The following ANKRD17 variants were observed in gnomAD, a reference collection of about 807,000 sequenced individuals.
ANKRD17 encodes ankyrin repeat domain-containing protein 17.
In ANKRD17, 19 loss-of-function variants were observed where a neutral mutation model predicts 229.7. That is an observed-to-expected ratio of 0.08 (90% CI 0.06 to 0.12). The LOEUF (loss-of-function observed/expected upper bound fraction) is 0.12. ANKRD17 is among the 10% of genes least tolerant of loss of function. The pLI is 1.00. For missense variants in ANKRD17, 2,176 were observed against 3,176.8 expected, an observed-to-expected ratio of 0.68 and a Z score of 7.57; for synonymous variants, 1,112 against 1,146.1, an observed-to-expected ratio of 0.97 and a Z score of 0.60.
At chr4:73,154,167 T>A in intron 5 of ANKRD17, 54 bp from the exon 6 acceptor site, 1 of 1,261,796 alleles carries the variant, frequency 7.9e-7, no homozygotes, top group Non-Finnish European at 1.1e-6. Context: ...CAAAATAAAT[T>A]AAAGTGCTAA....
Position 73,104,276 on chromosome 4 carries a change from CAAGG to C in ANKRD17, c.4402-1733_4402-1730del, listed in dbSNP as rs891928089. Among the ~76,000 whole-genome samples the C allele has an allele frequency of 3.9e-5, 6 of 152,260 alleles. 1 individual carries two copies. The highest frequency in any genetic ancestry group is 3.3e-4 in the Admixed American group (5 of 15,290). On this transcript the variant is annotated intron_variant, in intron 24 of 33. Transcript: ENST00000358602. Reference sequence around the variant, plus strand: ...GTGACCTTTACTCCCTGGATCACCACAAGGGAGGAGTAATATCTGATTGGTGAGT... The same window carrying C: ...GTGACCTTTACTCCCTGGATCACCACGAGGAGTAATATCTGATTGGTGAGT...
intron 20 of ANKRD17, 118 bp from the exon 21 acceptor site, chr4:73,120,455 A>G (rs993844574): frequency 1.3e-5 from 12 of 906,542 alleles, no homozygotes; most frequent in Non-Finnish European, 2.0e-5. Context: ...ATTCACAACT[A>G]AATTTAATCA....
At chr4:73,177,698 G>A (rs533819543) in intron 1 of ANKRD17, among the ~76,000 whole-genome samples, 165 bp from the exon 2 acceptor site, 1 of 152,290 alleles carries the variant, frequency 6.6e-6, no homozygotes, top group African/African-American at 2.4e-5. Context: ...ATCTAAGCCT[G>A]TTGATTAACA....
intron 1 of ANKRD17, among the ~76,000 whole-genome samples, chr4:73,184,528 CAAAAAAAAAAAAA>C (rs776930137): frequency 1.0e-4 from 3 of 29,976 alleles, no homozygotes; most frequent in Admixed American, 4.1e-4. Context: ...GACTTCCTCT[CAAAAAAAAAAAAA>C]AAAAAAAAAA....
At chr4:73,225,524 A>T (rs1187378091) in intron 1 of ANKRD17, among the ~76,000 whole-genome samples, 3 of 152,094 alleles carry the variant, frequency 2.0e-5, no homozygotes, top group Non-Finnish European at 4.4e-5. Context: ...TGTCTCCCTT[A>T]AAGACTAGAA....
chr4:73,117,778 C>T (rs1726149125), intron 22 of ANKRD17, among the ~76,000 whole-genome samples: 1 of 152,034 alleles, frequency 6.6e-6, no homozygotes, highest in African/African-American at 2.4e-5. Flanking sequence ...CTGATATTCC[C>T]AATAACAAAC....
At chr4:73,128,080 A>C (rs1293444008) in intron 16 of ANKRD17, among the ~76,000 whole-genome samples, 1 of 152,230 alleles carries the variant, frequency 6.6e-6, no homozygotes, top group Non-Finnish European at 1.5e-5. Flanking sequence ...AACTTAAATG[A>C]GTGACAGCTC....
chr4:73,180,961 A>G (rs758655074), intron 1 of ANKRD17, among the ~76,000 whole-genome samples: 15 of 152,190 alleles, frequency 9.9e-5, no homozygotes, highest in Non-Finnish European at 1.5e-4. Context: ...AGTCATGTAC[A>G]CCCAGCAATT....
In ANKRD17 at chr4:73,258,328, T is replaced by C. The variant is rs770398374; in HGVS notation, c.341A>G (p.Asn114Ser). ...GTCGTCCTCTTCTTCCTCGCTGTTG[T>C]TACTGCTGGTGCCGCCGCCGCCACC... ...GGGGGGGTSSNNSEEEEDDDD... is the reference protein window; with the variant it reads ...GGGGGGGTSSSNSEEEEDDDD... The change falls in exon 1 of 34, where the codon AAC (asparagine) becomes AGC (serine). Residue 114 changes from asparagine (N) to serine (S), a missense_variant. Coordinates refer to ENST00000358602, the MANE Select transcript of ANKRD17 (RefSeq NM_032217.5). 6.2e-7 allele frequency: 1 copy of C among 1,613,646 alleles called. No individual in the cohort carries two copies. Among genetic ancestry groups the C allele is most frequent in the African/African-American group, 1.3e-5 (1 of 75,038 alleles).
At chr4:73,138,266 G>A (rs377397655) in intron 15 of ANKRD17, among the ~76,000 whole-genome samples, 16 of 152,104 alleles carry the variant, frequency 1.1e-4, no homozygotes, top group South Asian at 2.1e-4. Flanking sequence ...AATAAGAGTC[G>A]TACAATTCTT....
chr4:73,232,242 T>C (rs1009414110), intron 1 of ANKRD17, among the ~76,000 whole-genome samples: 1 of 152,160 alleles, frequency 6.6e-6, no homozygotes, highest in Admixed American at 6.5e-5. Flanking sequence ...CCTTCCTTCT[T>C]CTAGCTCTTC....
chr4:73,150,209 T>C (rs141295832), intron 7 of ANKRD17, among the ~76,000 whole-genome samples: 2 of 152,308 alleles, frequency 1.3e-5, no homozygotes, highest in Admixed American at 1.3e-4. Context: ...TTCCTTTAAA[T>C]CCTAGTTTAA....
intron 1 of ANKRD17, among the ~76,000 whole-genome samples, chr4:73,190,369 A>G (rs1167887683): frequency 2.6e-5 from 4 of 151,916 alleles, no homozygotes; most frequent in Non-Finnish European, 5.9e-5. Flanking sequence ...ATTCCGTCTC[A>G]ATAAATAAAT....
At chr4:73,099,874 G>C (rs1307317653) in intron 25 of ANKRD17, among the ~76,000 whole-genome samples, 1 of 152,148 alleles carries the variant, frequency 6.6e-6, no homozygotes. Context: ...CGGTGATGGA[G>C]ATGCAGTCAT....
At chr4:73,141,102 G>A (rs962251909) in intron 14 of ANKRD17, among the ~76,000 whole-genome samples, 1 of 152,148 alleles carries the variant, frequency 6.6e-6, no homozygotes, top group Admixed American at 6.5e-5. Flanking sequence ...AAGAGTATAC[G>A]TAGCCAAAAA....
At chr4:73,121,845 ACTGT>A in intron 18 of ANKRD17, 86 bp from the exon 19 acceptor site, 1 of 1,328,244 alleles carries the variant, frequency 7.5e-7, no homozygotes, top group South Asian at 1.7e-5. Context: ...TTTCTGGTAT[ACTGT>A]ACAATAAAAG....
At chr4:73,227,278 C>T (rs1020377761) in intron 1 of ANKRD17, among the ~76,000 whole-genome samples, 1 of 152,008 alleles carries the variant, frequency 6.6e-6, no homozygotes, top group Non-Finnish European at 1.5e-5. Context: ...CTCAGCCTCC[C>T]GAGTAGCTGG....
chr4:73,229,775 G>T (rs1348751142), intron 1 of ANKRD17, among the ~76,000 whole-genome samples: 1 of 151,750 alleles, frequency 6.6e-6, no homozygotes, highest in African/African-American at 2.4e-5. Context: ...TTTTAACCTG[G>T]TAGTAAGTTG....
At chr4:73,084,665 T>C (rs1169866783) in intron 30 of ANKRD17, among the ~76,000 whole-genome samples, 1 of 152,088 alleles carries the variant, frequency 6.6e-6, no homozygotes, top group Non-Finnish European at 1.5e-5. Context: ...GCCGAGCTGG[T>C]CTTGAACTCC....
Sources: gnomAD v4.1 joint callset for allele counts (sites outside exome capture counted in the v4.1 genomes callset) on GRCh38, gnomAD v4.1.1 for gene constraint, MANE v1.5 for transcripts, NCBI Gene and HGNC (gene_info 2026-07-23, HGNC 2026-07-21) for gene names.